Variants in SEPTIN4 observed in about 807,000 individuals in gnomAD.
SEPTIN4 encodes septin-4.
SEPTIN4 carries 52 observed loss-of-function variants against 107.1 expected under a neutral mutation model. That is an observed-to-expected ratio of 0.49 (90% CI 0.39 to 0.61). The LOEUF (loss-of-function observed/expected upper bound fraction) is 0.61, where lower values mean the gene tolerates loss of function less well. Ranked by LOEUF, SEPTIN4 falls within the 20% of genes least tolerant of loss-of-function variation. The pLI is 0.00. For synonymous variants in SEPTIN4, 417 were observed against 467.0 expected (o/e 0.89, Z 1.38); for missense variants, 1,048 against 1,243.5 (o/e 0.84, Z 2.36).
chr17:58,542,604 G>T lies in SEPTIN4; in HGVS notation c.1561+22C>A, dbSNP rs558273788. ...TCTCACTAAATTGGGGCTGCACCTG[G>T]GCAGTCTGCTTCTTCACATACCCAG... On this transcript the variant is annotated intron_variant, in intron 1 of 13. Transcript: ENST00000672673. 3.8e-6 allele frequency: 6 copies of T among 1,589,404 alleles called. No homozygotes were observed. The Admixed American group carries it at 6.9e-5, about 18-fold the overall frequency.
rs2042934618 is a variant in SEPTIN4 at position 58,526,682 on chromosome 17, C to T, written c.1911G>A (p.Glu637=). 4 of 1,563,520 alleles carry T rather than the reference C, an allele frequency of 2.6e-6. No homozygotes were observed. The highest frequency in any genetic ancestry group is 3.4e-6 in the Non-Finnish European group (4 of 1,159,660). The change falls in exon 4 of 14, where the codon GAG becomes GAA. Residue 637 remains glutamate (E), a splice_region_variant and synonymous_variant. Transcript: ENST00000672673. ...WGKLDPYDSS[E]DDKEYVGFAT... Reference sequence around the variant, plus strand: ...GCAAAGGCAGGGCTGGAGGCTCTACCTCAGAGGAATCATAGGGATCAAGCT... The same window carrying T: ...GCAAAGGCAGGGCTGGAGGCTCTACTTCAGAGGAATCATAGGGATCAAGCT...
intron 6 of SEPTIN4, 194 bp from the exon 7 acceptor site, chr17:58,525,395 G>A (rs1266257894): frequency 1.4e-6 from 1 of 693,644 alleles, no homozygotes; most frequent in East Asian, 2.7e-5. Flanking sequence ...AATGCCGGTG[G>A]CTGTTGGCTC....
In SEPTIN4 at chr17:58,526,559, TACACACACACACAAAC is replaced by T. The variant is rs1317237969; in HGVS notation, c.1911+107_1911+122del. 4.7e-5 allele frequency: 62 copies of T among 1,312,378 alleles called. No homozygotes were observed. In the African/African-American group the frequency reaches 1.7e-3, roughly 36 times the overall value. The allele number at this position is 1,312,378 out of a possible 1,614,324, so 81.3% of individuals were successfully genotyped here. A position where few individuals can be genotyped will look rare whatever the true frequency, so the allele number is the denominator to read the frequency against. On this transcript the variant is annotated intron_variant, in intron 4 of 13. Coordinates refer to ENST00000672673, the MANE Select transcript of SEPTIN4 (RefSeq NM_001368771.2). ...ACACAGGACTGAAATAGGTCCCAGATACACACACACACAAACACACACACACACACACACACACACA... is the reference window on the plus strand; with the variant it reads ...ACACAGGACTGAAATAGGTCCCAGATACACACACACACACACACACACACA...
In SEPTIN4 at chr17:58,526,997, G is replaced by T. The variant is rs202238160; in HGVS notation, c.1615-19C>A. ...GCTTGATCTGGGGGAAGCGGGGTGG[G>T]TAGAATAGATGGGTGGTGCCGGGAA... On this transcript the variant is annotated intron_variant, in intron 3 of 13. Coordinates refer to ENST00000672673, the MANE Select transcript of SEPTIN4 (RefSeq NM_001368771.2). 1 of 1,613,830 alleles carries T rather than the reference G, an allele frequency of 6.2e-7. No individual in the cohort carries two copies. Among genetic ancestry groups the T allele is most frequent in the South Asian group, 1.1e-5 (1 of 91,086 alleles).
intron 3 of SEPTIN4, among the ~76,000 whole-genome samples, chr17:58,532,480 G>A (rs1163044906): frequency 6.6e-6 from 1 of 152,180 alleles, no homozygotes. Context: ...AAGTGAATCC[G>A]GCTGATGCCC....
chr17:58,542,484 A>T, intron 1 of SEPTIN4, 142 bp downstream of exon 1: 1 of 1,172,140 alleles, frequency 8.5e-7, no homozygotes, highest in Non-Finnish European at 1.2e-6. Context: ...ATGGAGCAAT[A>T]GGCTCAAGGA....
In SEPTIN4 at chr17:58,520,261, C is replaced by G; in HGVS notation, c.*165G>C. 1 of 635,528 alleles carries G rather than the reference C, an allele frequency of 1.6e-6. No homozygotes were observed. Among genetic ancestry groups the G allele is most frequent in the Non-Finnish European group, 2.8e-6 (1 of 359,108 alleles). 39.4% of individuals were successfully genotyped at this position (635,528 alleles called of 1,614,324 possible). On this transcript the variant is annotated 3_prime_UTR_variant, in exon 14 of 14. Transcript: ENST00000672673. ...TACACACAGGGACACCAGAAGCCAC[C>G]TACAGATTTATTAAACTTTATTTCC...
chr17:58,538,645 C>T lies in SEPTIN4; in HGVS notation c.1614+2021G>A, dbSNP rs2043795015. ...TGCTAGTTCTGATCCCCAAAAAAAA[C>T]CCATCAGGAATGCTTCCCTTAGTCC... On this transcript the variant is annotated intron_variant, in intron 3 of 13. Coordinates refer to ENST00000672673, the MANE Select transcript of SEPTIN4 (RefSeq NM_001368771.2). This position sits in a 1 kb window ranked among gnomAD's most constrained non-coding sequence, Gnocchi z 4.7. Among the ~76,000 whole-genome samples the T allele has an allele frequency of 6.6e-6, 1 of 152,020 alleles. No individual in the cohort carries two copies. Among genetic ancestry groups the T allele is most frequent in the Admixed American group, 6.5e-5 (1 of 15,268 alleles).
chr17:58,528,973 C>G (rs2043211801), intron 3 of SEPTIN4: 1 of 955,574 alleles, frequency 1.0e-6, no homozygotes, highest in Non-Finnish European at 1.6e-6. Flanking sequence ...AGTCAGGACA[C>G]CAGGGTCCTC....
In SEPTIN4 at chr17:58,542,673, T is replaced by G; in HGVS notation, c.1514A>C (p.Lys505Thr). The G allele has an allele frequency of 1.9e-6, 3 of 1,614,094 alleles. No individual in the cohort carries two copies. The highest frequency in any genetic ancestry group is 1.7e-6 in the Non-Finnish European group (2 of 1,180,004). Residue 505 changes from lysine (K) to threonine (T), a missense_variant, in exon 1 of 14, where the codon AAG (lysine) becomes ACG (threonine). This residue lies in a region of SEPTIN4 where 787 missense variants were observed against 871.8 expected (regional missense o/e 0.90). Coordinates refer to ENST00000672673, the MANE Select transcript of SEPTIN4 (RefSeq NM_001368771.2). ...TTGAATGGGTTGTTTGCAGGTGTGC[T>G]TGGGGGTCTGTGGCACTTCACTCAG... ...APLSEVPQTP[K>T]HTCKQPIQRF...
At position 58,543,078 on chromosome 17, in the gene SEPTIN4, G is replaced by A; in HGVS notation, c.1109C>T (p.Pro370Leu). ...TTTTTGGGTTTGCTGTTTATAGATGGGCTCTGGAGTAACAAACATGGATGA... is the reference window on the plus strand; with the variant it reads ...TTTTTGGGTTTGCTGTTTATAGATGAGCTCTGGAGTAACAAACATGGATGA... ...HKSSMFVTPE[P>L]IYKQQTQKPP... The change falls in exon 1 of 14, where the codon CCC (proline) becomes CTC (leucine). Residue 370 changes from proline to leucine, a missense_variant. Pro to Leu is a moderately conservative substitution (Grantham distance 98). This residue lies in a region of SEPTIN4 where 787 missense variants were observed against 871.8 expected (regional missense o/e 0.90). Coordinates refer to ENST00000672673, the MANE Select transcript of SEPTIN4 (RefSeq NM_001368771.2). 6.2e-7 allele frequency: 1 copy of A among 1,612,390 alleles called. No individual in the cohort carries two copies. Among genetic ancestry groups the A allele is most frequent in the Non-Finnish European group, 8.5e-7 (1 of 1,179,274 alleles).
Position 58,521,110 on chromosome 17 carries a change from G to T in SEPTIN4, c.2719C>A (p.Arg907Ser). 6.2e-7 allele frequency: 1 copy of T among 1,614,190 alleles called. No individual in the cohort carries two copies. Among genetic ancestry groups the T allele is most frequent in the Non-Finnish European group, 8.5e-7 (1 of 1,180,040 alleles). Residue 907 changes from arginine to serine, a missense_variant, in exon 12 of 14, where the codon CGT becomes AGT. Coordinates refer to ENST00000672673, the MANE Select transcript of SEPTIN4 (RefSeq NM_001368771.2). The surrounding 1 kb of genome is among the most constrained non-coding windows in gnomAD (Gnocchi z 6.4). ...TCCTTCAGGTCCTGCATGTGGGTAC[G>T]TACCAGCATTGTCCTCAGCTTCACA... Reference protein sequence around the residue: ...DFVKLRTMLVRTHMQDLKDVT... With the variant: ...DFVKLRTMLVSTHMQDLKDVT...
intron 3 of SEPTIN4, chr17:58,531,963 T>C: frequency 8.7e-7 from 1 of 1,147,180 alleles, no homozygotes; most frequent in Non-Finnish European, 1.1e-6. Context: ...TGCCTTACCA[T>C]GGCTGCAGCC....
chr17:58,525,017 G>T (rs2042690214), intron 7 of SEPTIN4, 61 bp downstream of exon 7: 1 of 1,609,084 alleles, frequency 6.2e-7, no homozygotes, highest in African/African-American at 1.3e-5. Flanking sequence ...GCCTACGTGT[G>T]TACCTGTGTA....
chr17:58,531,883 C>T (rs2043498520), intron 3 of SEPTIN4: 6 of 1,110,784 alleles, frequency 5.4e-6, no homozygotes, highest in African/African-American at 1.7e-5. Context: ...CGCGGGTCCC[C>T]TTGCAGCCGC....
chr17:58,532,438 A>C (rs903696335), intron 3 of SEPTIN4, among the ~76,000 whole-genome samples: 4 of 152,190 alleles, frequency 2.6e-5, no homozygotes, highest in African/African-American at 9.7e-5. Flanking sequence ...AGAAACCATT[A>C]GTTACCGCAG....
intron 3 of SEPTIN4, among the ~76,000 whole-genome samples, chr17:58,536,255 C>T (rs2043707119): frequency 6.6e-6 from 1 of 152,146 alleles, no homozygotes; most frequent in South Asian, 2.1e-4. Context: ...CTATGAAAAC[C>T]CACTAATGCA....
chr17:58,540,213 G>A (rs1251213786), intron 3 of SEPTIN4, among the ~76,000 whole-genome samples: 3 of 151,980 alleles, frequency 2.0e-5, no homozygotes, highest in African/African-American at 7.2e-5. Flanking sequence ...TCCACCTTGA[G>A]TTTTTCCAAG....
intron 2 of SEPTIN4, 24 bp downstream of exon 2, chr17:58,541,898 C>T: frequency 1.2e-6 from 2 of 1,614,080 alleles, no homozygotes; most frequent in Non-Finnish European, 1.7e-6. Context: ...CCACAGTGGG[C>T]CCATAGGAGG....
Sources: allele counts gnomAD v4.1 joint callset (sites outside exome capture counted in the v4.1 genomes callset), GRCh38; gene constraint gnomAD v4.1.1; regional missense constraint gnomAD v4.1.1; non-coding constraint Gnocchi (gnomAD v3.1); transcripts MANE v1.5; gene names NCBI Gene and HGNC (gene_info 2026-07-23, HGNC 2026-07-21).